The following SLC8A3 variants were observed in gnomAD, a reference collection of about 807,000 sequenced individuals.
The protein encoded by SLC8A3 is sodium/calcium exchanger 3.
A neutral mutation model predicts 65.4 loss-of-function variants in SLC8A3; 37 were observed. The observed-to-expected ratio is 0.57, with a 90% confidence interval of 0.44 to 0.74. The LOEUF (loss-of-function observed/expected upper bound fraction) is 0.74. Among genes scored for constraint, SLC8A3 ranks in the 30% least tolerant of loss-of-function variants. The probability of loss-of-function intolerance (pLI) is 0.00; values close to 1 mark genes in which losing one functional copy is unlikely to be tolerated. For synonymous variants in SLC8A3, 461 were observed against 444.5 expected, an observed-to-expected ratio of 1.04 and a Z score of -0.47; for missense variants, 1,112 against 1,172.1, an observed-to-expected ratio of 0.95 and a Z score of 0.75.
At position 70,188,593 on chromosome 14, in the gene SLC8A3, C is replaced by G. The variant is rs1883551226; in HGVS notation, c.-277G>C. ...CAGCTGTCAGGGAGCTGCGGGGCAGCGCATCTGGAGCGCGGGGTCTGGGAG... is the reference window on the plus strand; with the variant it reads ...CAGCTGTCAGGGAGCTGCGGGGCAGGGCATCTGGAGCGCGGGGTCTGGGAG... On this transcript the variant is annotated 5_prime_UTR_variant, in exon 1 of 7. Coordinates refer to ENST00000356921, the MANE Select transcript of SLC8A3 (RefSeq NM_182932.3). 6.6e-6 allele frequency: 1 copy of G among 152,190 alleles called. No homozygotes were observed. Among genetic ancestry groups the G allele is most frequent in the Non-Finnish European group, 1.5e-5 (1 of 68,060 alleles). 9.4% of individuals were successfully genotyped at this position (152,190 alleles called of 1,614,324 possible).
chr14:70,125,523 G>A (rs1894383936), intron 2 of SLC8A3, among the ~76,000 whole-genome samples: 1 of 152,126 alleles, frequency 6.6e-6, no homozygotes, highest in African/African-American at 2.4e-5. Context: ...TTTTACGAAT[G>A]AATAGTATTC....
At chr14:70,151,620 G>A (rs1313134168) in intron 2 of SLC8A3, among the ~76,000 whole-genome samples, 2 of 152,216 alleles carry the variant, frequency 1.3e-5, no homozygotes, top group African/African-American at 4.8e-5. Flanking sequence ...TGTGCAGGTT[G>A]TATGTATTAG....
In SLC8A3 at chr14:70,052,032, G is replaced by C. The variant is rs761871956; in HGVS notation, c.1971C>G (p.His657Gln). The change falls in exon 4 of 7, where the codon CAC becomes CAG. Residue 657 changes from histidine (H) to glutamine (Q), a missense_variant. Physicochemically the swap from His to Gln is conservative, Grantham distance 24. Coordinates refer to ENST00000356921, the MANE Select transcript of SLC8A3 (RefSeq NM_182932.3). The stretch of plus-strand genomic sequence containing the variant: ...CTTCAATGATGACTTCTAGTTTGGG[G>C]TGTTCACCCAATACTGGCTTTCCCA... ...AEMGKPVLGEHPKLEVIIEES... is the reference protein window; with the variant it reads ...AEMGKPVLGEQPKLEVIIEES... 1 of 1,613,186 alleles carries C rather than the reference G, an allele frequency of 6.2e-7. No individual in the cohort carries two copies. The highest frequency in any genetic ancestry group is 8.5e-7 in the Non-Finnish European group (1 of 1,179,658).
At chr14:70,187,637 G>GTGTGTT (rs1233163457) in intron 1 of SLC8A3, among the ~76,000 whole-genome samples, 1 of 133,372 alleles carries the variant, frequency 7.5e-6, no homozygotes, top group Admixed American at 7.3e-5. Flanking sequence ...GTGTGTGTGT[G>GTGTGTT]TGTCCGCGCG....
At chr14:70,058,288 C>G (rs1049619478) in intron 3 of SLC8A3, among the ~76,000 whole-genome samples, 16 of 152,160 alleles carry the variant, frequency 1.1e-4, no homozygotes, top group African/African-American at 3.9e-4. Flanking sequence ...GCAGGGAATT[C>G]TGGAAATTTG....
intron 2 of SLC8A3, among the ~76,000 whole-genome samples, chr14:70,124,854 G>A (rs1894336087): frequency 6.6e-6 from 1 of 152,222 alleles, no homozygotes; most frequent in African/African-American, 2.4e-5. Flanking sequence ...TTGGGTCAGA[G>A]AAAAAGGGTG....
chr14:70,130,341 C>G (rs980587022), intron 2 of SLC8A3, among the ~76,000 whole-genome samples: 1 of 152,244 alleles, frequency 6.6e-6, no homozygotes, highest in Non-Finnish European at 1.5e-5. Context: ...AAAGGTGTAA[C>G]AATGCTGATG....
chr14:70,127,171 A>G (rs895681436), intron 2 of SLC8A3, among the ~76,000 whole-genome samples: 2 of 145,966 alleles, frequency 1.4e-5, no homozygotes, highest in Non-Finnish European at 3.0e-5. Flanking sequence ...GGGGGCAGAA[A>G]GGATTGGGGG....
chr14:70,058,018 T>A (rs1209023518), intron 3 of SLC8A3, among the ~76,000 whole-genome samples: 1 of 152,234 alleles, frequency 6.6e-6, no homozygotes, highest in Non-Finnish European at 1.5e-5. Context: ...CCAGAGCAAC[T>A]GTGTTTCCTA....
chr14:70,076,150 C>T (rs1021983336), intron 2 of SLC8A3, among the ~76,000 whole-genome samples: 4 of 152,170 alleles, frequency 2.6e-5, no homozygotes, highest in African/African-American at 7.2e-5. Flanking sequence ...GCCTCAGGGC[C>T]TCTGCACTAC....
At chr14:70,070,302 C>T (rs1258099695) in intron 2 of SLC8A3, among the ~76,000 whole-genome samples, 2 of 152,132 alleles carry the variant, frequency 1.3e-5, no homozygotes, top group Non-Finnish European at 2.9e-5. Flanking sequence ...TAGGTAGAGG[C>T]CAGACCAGGT....
chr14:70,183,938 T>G (rs1172800036), intron 1 of SLC8A3, among the ~76,000 whole-genome samples: 1 of 152,208 alleles, frequency 6.6e-6, no homozygotes, highest in Non-Finnish European at 1.5e-5. Context: ...ACAAGCTCCA[T>G]CCTATAAAGC....
intron 2 of SLC8A3, among the ~76,000 whole-genome samples, chr14:70,066,742 C>T (rs774657285): frequency 1.6e-4 from 24 of 152,124 alleles, no homozygotes; most frequent in Admixed American, 4.6e-4. Context: ...ACCCAAGAGG[C>T]GGAGGTTGCA....
chr14:70,165,733 G>C (rs1264434997), intron 2 of SLC8A3, among the ~76,000 whole-genome samples: 7 of 152,202 alleles, frequency 4.6e-5, no homozygotes, highest in African/African-American at 1.2e-4. Flanking sequence ...AGAGGCCTTA[G>C]GGTAATAGAG....
chr14:70,111,628 A>G (rs1332841864), intron 2 of SLC8A3, among the ~76,000 whole-genome samples: 1 of 152,242 alleles, frequency 6.6e-6, no homozygotes, highest in Non-Finnish European at 1.5e-5. Flanking sequence ...GAAGACAGTG[A>G]CATATCGGCT....
intron 2 of SLC8A3, among the ~76,000 whole-genome samples, chr14:70,126,560 T>TCA (rs1397455610): frequency 1.0e-5 from 1 of 98,286 alleles, no homozygotes; most frequent in Non-Finnish European, 2.2e-5. Flanking sequence ...TCTCTCTCTC[T>TCA]CTCTCTCTCT....
intron 6 of SLC8A3, chr14:70,048,265 T>C (rs529364382): frequency 4.2e-6 from 1 of 237,754 alleles, no homozygotes; most frequent in East Asian, 9.7e-5. Flanking sequence ...AGAATGTATG[T>C]GGGCATTTCT....
intron 2 of SLC8A3, among the ~76,000 whole-genome samples, chr14:70,062,891 A>T (rs1479375595): frequency 6.6e-6 from 1 of 152,176 alleles, no homozygotes; most frequent in African/African-American, 2.4e-5. Flanking sequence ...GACAACAGGC[A>T]TGTACTGGAG....
rs1302686559 is a variant in SLC8A3, at chr14:70,044,626, G to GA, written c.*1320dup. On this transcript the variant is annotated 3_prime_UTR_variant, in exon 7 of 7. Coordinates refer to ENST00000356921, the MANE Select transcript of SLC8A3 (RefSeq NM_182932.3). ...GGAGCAAGAACTACCCCATAGGCTG[G>GA]AAAAATAGCTTCATGAAGTTTAAGA... 6.6e-6 allele frequency: 1 copy of GA among 152,048 alleles called. No homozygotes were observed. The highest frequency in any genetic ancestry group is 1.5e-5 in the Non-Finnish European group (1 of 68,006). 9.4% of individuals were successfully genotyped at this position (152,048 alleles called of 1,614,324 possible). A position where few individuals can be genotyped will look rare whatever the true frequency, so the allele number is the denominator to read the frequency against.
Sources: allele counts gnomAD v4.1 joint callset (sites outside exome capture counted in the v4.1 genomes callset), GRCh38; gene constraint gnomAD v4.1.1; transcripts MANE v1.5; gene names NCBI Gene and HGNC (gene_info 2026-07-23, HGNC 2026-07-21).